The following LCE1C variants were observed in gnomAD, a reference collection of about 807,000 sequenced individuals.
The protein encoded by LCE1C is late cornified envelope protein 1C.
In LCE1C, 1 loss-of-function variant was observed where a neutral mutation model predicts 0.7. That is an observed-to-expected ratio of 1.44 (90% CI 0.51 to 6.83). The LOEUF is 6.83. LCE1C is among the 30% of genes most tolerant of loss of function. The probability of loss-of-function intolerance (pLI) is 0.14; values close to 1 mark genes in which losing one functional copy is unlikely to be tolerated. For missense variants in LCE1C, 136 were observed against 149.6 expected, an observed-to-expected ratio of 0.91 and a Z score of 0.48; for synonymous variants, 72 against 57.9, an observed-to-expected ratio of 1.24 and a Z score of -1.10.
At position 152,805,046 on chromosome 1, in the gene LCE1C, A is replaced by G. The variant is rs1331909894; in HGVS notation, c.*76T>C. On this transcript the variant is annotated 3_prime_UTR_variant, in exon 2 of 2. Coordinates refer to ENST00000607093, the MANE Select transcript of LCE1C (RefSeq NM_178351.4). The stretch of plus-strand genomic sequence containing the variant: ...CCTTGGACCTGTGAGCCTCTCAGGC[A>G]GGCCTAGTAGGAGAAGGGGGATGTC... The G allele has an allele frequency of 9.4e-6, 14 of 1,488,526 alleles. No homozygotes were observed. Among genetic ancestry groups the G allele is most frequent in the Non-Finnish European group, 1.3e-5 (14 of 1,108,708 alleles). The allele number at this position is 1,488,526 out of a possible 1,614,324, so 92.2% of individuals were successfully genotyped here.
Position 152,805,507 on chromosome 1 carries a change from G to T in LCE1C, c.-20-9C>A. The stretch of plus-strand genomic sequence containing the variant: ...GGTGGCGGATTCAGGAGCTGAAAGA[G>T]AGTCAAACAGCAAGTCAGACCTAGG... On this transcript the variant is annotated splice_polypyrimidine_tract_variant and intron_variant, in intron 1 of 1. Transcript: ENST00000607093. 6.2e-7 allele frequency: 1 copy of T among 1,601,404 alleles called. No individual in the cohort carries two copies. The highest frequency in any genetic ancestry group is 8.6e-7 in the Non-Finnish European group (1 of 1,168,800).
At chr1:152,806,437 G>C (rs1652342279) in intron 1 of LCE1C, among the ~76,000 whole-genome samples, 164 bp downstream of exon 1, 1 of 152,152 alleles carries the variant, frequency 6.6e-6, no homozygotes, top group African/African-American at 2.4e-5. Context: ...TTACCAGTTG[G>C]CCCTCTCCCT....
intron 1 of LCE1C, among the ~76,000 whole-genome samples, 183 bp from the exon 2 acceptor site, chr1:152,805,681 T>C (rs1488796069): frequency 1.3e-5 from 2 of 152,224 alleles, no homozygotes; most frequent in African/African-American, 4.8e-5. Context: ...ACTGTATCTT[T>C]TGAGTTCACA....
In LCE1C at chr1:152,804,980, C is replaced by G. The variant is rs1652286593; in HGVS notation, c.*142G>C. On this transcript the variant is annotated 3_prime_UTR_variant, in exon 2 of 2. Transcript: ENST00000607093. ...CCAGGAGAGGATCTGAGTTTCTGGA[C>G]TCCAGGGAAAAGATATGCTCTTGGC... is the stretch of plus-strand genomic sequence containing the variant. 9.3e-7 allele frequency: 1 copy of G among 1,070,280 alleles called. No individual in the cohort carries two copies. The highest frequency in any genetic ancestry group is 2.3e-5 in the Admixed American group (1 of 43,264). The allele number at this position is 1,070,280 out of a possible 1,614,324, so 66.3% of individuals were successfully genotyped here.
chr1:152,805,396 T>C lies in LCE1C; in HGVS notation c.83A>G (p.Lys28Arg), dbSNP rs758902168. 3 of 1,613,398 alleles carry C rather than the reference T, an allele frequency of 1.9e-6. No homozygotes were observed. In the South Asian group the frequency reaches 3.3e-5, roughly 18 times the overall value. Reference sequence around the variant, plus strand: ...CTTAGGGGGACACTTTGGGGGACACTTTGGGGTGGGGCACTTGGGAGGGCA... The same window carrying C: ...CTTAGGGGGACACTTTGGGGGACACCTTGGGGTGGGGCACTTGGGAGGGCA... Reference protein sequence around the residue: ...PKCPPKCPTPKCPPKCPPKCP... With the variant: ...PKCPPKCPTPRCPPKCPPKCP... Residue 28 changes from lysine (K) to arginine (R), a missense_variant, in exon 2 of 2, where the codon AAG (lysine) becomes AGG (arginine). Transcript: ENST00000607093.
chr1:152,805,551 A>G (rs770253317), intron 1 of LCE1C, 53 bp from the exon 2 acceptor site: 40 of 1,282,462 alleles, frequency 3.1e-5, no homozygotes, highest in Non-Finnish European at 4.3e-5. Context: ...ACCCCTGCCT[A>G]TTCTTGTCCT....
At chr1:152,805,540 C>G in intron 1 of LCE1C, 42 bp from the exon 2 acceptor site, 5 of 1,366,650 alleles carry the variant, frequency 3.7e-6, no homozygotes, top group Middle Eastern at 1.9e-4. Flanking sequence ...AGGCAGAGGC[C>G]ACCCCTGCCT....
At position 152,805,305 on chromosome 1, in the gene LCE1C, G is replaced by T. The variant is rs148874685; in HGVS notation, c.174C>A (p.Gly58=). The change falls in exon 2 of 2, where the codon GGC becomes GGA. Residue 58 remains glycine, a synonymous_variant. Transcript: ENST00000607093. ...ATCCCCCAGAGCTGGAGCCACAGCTGCCCCCAGAGCTGGAGCCACAGCAGC... is the reference window on the plus strand; with the variant it reads ...ATCCCCCAGAGCTGGAGCCACAGCTTCCCCCAGAGCTGGAGCCACAGCAGC... ...SGGCCGSSSG[G]SCGSSSGGCC... is the part of the protein sequence containing the mutation. The T allele has an allele frequency of 5.9e-5, 96 of 1,613,836 alleles. No individual in the cohort carries two copies. Among genetic ancestry groups the T allele is most frequent in the Admixed American group, 1.8e-4 (11 of 59,992 alleles).
In LCE1C at chr1:152,805,137, A is replaced by T; in HGVS notation, c.342T>A (p.Ser114=). 1 of 1,604,496 alleles carries T rather than the reference A, an allele frequency of 6.2e-7. No individual in the cohort carries two copies. Among genetic ancestry groups the T allele is most frequent in the African/African-American group, 1.3e-5 (1 of 74,738 alleles). Residue 114 remains serine, a synonymous_variant, in exon 2 of 2, where the codon TCT becomes TCA. Transcript: ENST00000607093. ...AGGGTCCACTTCAGCAGCAGCCTCC[A>T]GAGTGCTGGCCACTCCCCCCGCCAC... The part of the protein sequence containing the change: ...SCCGGGSGQH[S]GGCC
chr1:152,806,237 C>T (rs1231156388), intron 1 of LCE1C, among the ~76,000 whole-genome samples: 2 of 152,198 alleles, frequency 1.3e-5, no homozygotes, highest in Non-Finnish European at 2.9e-5. Flanking sequence ...TTAATTATCT[C>T]TACTCCACTG....
At chr1:152,805,708 G>A (rs1652322248) in intron 1 of LCE1C, among the ~76,000 whole-genome samples, 1 of 152,134 alleles carries the variant, frequency 6.6e-6, no homozygotes, top group South Asian at 2.1e-4. Flanking sequence ...TCTTAAGACA[G>A]TCAAGAATTA....
At chr1:152,805,622 T>A in intron 1 of LCE1C, 124 bp from the exon 2 acceptor site, 1 of 797,030 alleles carries the variant, frequency 1.3e-6, no homozygotes, top group Non-Finnish European at 2.0e-6. Flanking sequence ...GGTAAATCAT[T>A]AATCACTGAA....
Position 152,805,021 on chromosome 1 carries a change from C to T in LCE1C, c.*101G>A. 7.2e-7 allele frequency: 1 copy of T among 1,397,998 alleles called. No individual in the cohort carries two copies. The highest frequency in any genetic ancestry group is 2.3e-5 in the Admixed American group (1 of 43,942). 86.6% of individuals were successfully genotyped at this position (1,397,998 alleles called of 1,614,324 possible). A position where few individuals can be genotyped will look rare whatever the true frequency, so the allele number is the denominator to read the frequency against. Reference sequence around the variant, plus strand: ...TGCTCTTGGCAAGTTCAGAGCTTTCCCTTGGACCTGTGAGCCTCTCAGGCA... The same window carrying T: ...TGCTCTTGGCAAGTTCAGAGCTTTCTCTTGGACCTGTGAGCCTCTCAGGCA... On this transcript the variant is annotated 3_prime_UTR_variant, in exon 2 of 2. Transcript: ENST00000607093.
Position 152,805,101 on chromosome 1 carries a change from CT to C in LCE1C, c.*20del. On this transcript the variant is annotated 3_prime_UTR_variant, in exon 2 of 2. Transcript: ENST00000607093. ...GCAGTTTGCGGTCCTGGATTCTGCT[CT>C]TCTAGGCTCAGGGTCCACTTCAGCA... 6.4e-7 allele frequency: 1 copy of C among 1,570,172 alleles called. No homozygotes were observed. The highest frequency in any genetic ancestry group is 1.2e-5 in the South Asian group (1 of 82,824).
At position 152,805,473 on chromosome 1, in the gene LCE1C, G is replaced by A. The variant is rs139069429; in HGVS notation, c.6C>T (p.Ser2=). 125 of 1,613,978 alleles carry A rather than the reference G, an allele frequency of 7.7e-5. No individual in the cohort carries two copies. Among genetic ancestry groups the A allele is most frequent in the Admixed American group, 1.3e-4 (8 of 60,014 alleles). Residue 2 remains serine, a synonymous_variant, in exon 2 of 2, where the codon TCC becomes TCT. Transcript: ENST00000607093. ...GGCACTGCTGCTGGCTCTGCTGGCA[G>A]GACATCTTGGTGGCGGATTCAGGAG... The part of the protein sequence containing the change: M[S]CQQSQQQCQP...
chr1:152,806,062 G>T (rs1309074878), intron 1 of LCE1C, among the ~76,000 whole-genome samples: 1 of 152,170 alleles, frequency 6.6e-6, no homozygotes, highest in African/African-American at 2.4e-5. Context: ...GAACTCAGGT[G>T]CCCTGGCTCT....
chr1:152,805,310 C>A lies in LCE1C; in HGVS notation c.169G>T (p.Gly57Trp), dbSNP rs1271693906. The change falls in exon 2 of 2, where the codon GGG (glycine) becomes TGG (tryptophan). Residue 57 changes from glycine (G) to tryptophan (W), a missense_variant. Transcript: ENST00000607093. ...CCAGAGCTGGAGCCACAGCTGCCCCCAGAGCTGGAGCCACAGCAGCCTCCG... is the reference window on the plus strand; with the variant it reads ...CCAGAGCTGGAGCCACAGCTGCCCCAAGAGCTGGAGCCACAGCAGCCTCCG... ...SSGGCCGSSS[G>W]GSCGSSSGGC... The A allele has an allele frequency of 6.2e-7, 1 of 1,614,036 alleles. No homozygotes were observed. Among genetic ancestry groups the A allele is most frequent in the South Asian group, 1.1e-5 (1 of 91,072 alleles).
Position 152,805,143 on chromosome 1 carries a change from C to T in LCE1C, c.336G>A (p.Gln112=), listed in dbSNP as rs367971555. ...CACTTCAGCAGCAGCCTCCAGAGTG[C>T]TGGCCACTCCCCCCGCCACAGCAGC... The part of the protein sequence containing the change: ...GSSCCGGGSG[Q]HSGGCC Residue 112 remains glutamine, a synonymous_variant, in exon 2 of 2, where the codon CAG becomes CAA. Coordinates refer to ENST00000607093, the MANE Select transcript of LCE1C (RefSeq NM_178351.4). 1.9e-6 allele frequency: 3 copies of T among 1,607,674 alleles called. No individual in the cohort carries two copies.
rs1431799250 is a variant in LCE1C at position 152,805,138 on chromosome 1, G to A, written c.341C>T (p.Ser114Phe). The A allele has an allele frequency of 1.2e-6, 2 of 1,604,692 alleles. No individual in the cohort carries two copies. Among genetic ancestry groups the A allele is most frequent in the Non-Finnish European group, 1.7e-6 (2 of 1,175,206 alleles). Residue 114 changes from serine (S) to phenylalanine (F), a missense_variant, in exon 2 of 2, where the codon TCT becomes TTT. Coordinates refer to ENST00000607093, the MANE Select transcript of LCE1C (RefSeq NM_178351.4). ...SCCGGGSGQH[S>F]GGCC ...GGGTCCACTTCAGCAGCAGCCTCCA[G>A]AGTGCTGGCCACTCCCCCCGCCACA...
Sources: gnomAD v4.1 joint callset for allele counts (sites outside exome capture counted in the v4.1 genomes callset) on GRCh38, gnomAD v4.1.1 for gene constraint, MANE v1.5 for transcripts, NCBI Gene and HGNC (gene_info 2026-07-23, HGNC 2026-07-21) for gene names.